OBSL1: variants seen among roughly 807,000 people sequenced by gnomAD.
OBSL1 encodes obscurin-like protein 1.
Under a neutral mutation model 172.0 loss-of-function variants are expected in OBSL1, and 160 were observed. That is an observed-to-expected ratio of 0.93 (90% CI 0.82 to 1.06). OBSL1 has a LOEUF of 1.06. Ranked by LOEUF, OBSL1 falls within the 50% of genes least tolerant of loss-of-function variation. OBSL1 has a pLI of 0.00. For missense variants in OBSL1, 2,681 were observed against 2,715.4 expected, an observed-to-expected ratio of 0.99 and a Z score of 0.28; for synonymous variants, 1,200 against 1,196.3, an observed-to-expected ratio of 1.00 and a Z score of -0.06.
In OBSL1 at chr2:219,568,620, G is replaced by A. The variant is rs940811787; in HGVS notation, c.1013-296C>T. Among the ~76,000 whole-genome samples, 1 of 152,166 alleles carries A rather than the reference G, an allele frequency of 6.6e-6. No homozygotes were observed. Among genetic ancestry groups the A allele is most frequent in the South Asian group, 2.1e-4 (1 of 4,828 alleles). On this transcript the variant is annotated intron_variant, in intron 1 of 20. Coordinates refer to ENST00000404537, the MANE Select transcript of OBSL1 (RefSeq NM_015311.3). This position sits in a 1 kb window ranked among gnomAD's most constrained non-coding sequence, Gnocchi z 4.1. ...AGAGAAGGGGTTGGACCAGATTGAT[G>A]ATTTCCAAACTGTTCCCTGGGGTCC...
chr2:219,559,199 C>T (rs755972037), intron 9 of OBSL1, 26 bp downstream of exon 9: 25 of 1,571,054 alleles, frequency 1.6e-5, no homozygotes, highest in Non-Finnish European at 2.0e-5. Context: ...TCTCTACCTC[C>T]TCTCTGTGCT....
chr2:219,547,984 G>A, downstream of OBSL1: 1 of 1,586,046 alleles, frequency 6.3e-7, no homozygotes, highest in Non-Finnish European at 8.5e-7. Flanking sequence ...CACTCTGCTG[G>A]CGAAGCTGGG....
Position 219,565,392 on chromosome 2 carries a change from C to A in OBSL1, c.2257G>T (p.Gly753Trp). ...VDFPATWYKD[G>W]QKVEESELLV... ...AACTCGCTCTCCTCCACCTTCTGCC[C>A]ATCCTTGTACCAGGTTGCCGGGAAG... is the stretch of plus-strand genomic sequence containing the variant. The change falls in exon 6 of 21, where the codon GGG (glycine) becomes TGG (tryptophan). Residue 753 changes from glycine to tryptophan, a missense_variant. Transcript: ENST00000404537. 1 of 1,614,018 alleles carries A rather than the reference C, an allele frequency of 6.2e-7. No individual in the cohort carries two copies. Among genetic ancestry groups the A allele is most frequent in the African/African-American group, 1.3e-5 (1 of 75,048 alleles).
rs867588237 is a variant in OBSL1, at chr2:219,558,426, C to T, written c.3260G>A (p.Arg1087His). The change falls in exon 10 of 21, where the codon CGC (arginine) becomes CAC (histidine). Residue 1087 changes from arginine (R) to histidine (H), a missense_variant. Around this residue, in one of 5 missense-constraint regions of OBSL1, gnomAD observed 1,765 missense variants for 1,748.3 expected, o/e 1.01. Transcript: ENST00000404537. ...PPERIVHPAA[R>H]SLDLHFGAPG... ...AGCCCCAAAATGCAGATCCAGGGAG[C>T]GGGCTGCCGGGTGCACAATCCTCTC... is the stretch of plus-strand genomic sequence containing the variant. 8 of 1,591,908 alleles carry T rather than the reference C, an allele frequency of 5.0e-6. No homozygotes were observed. Among genetic ancestry groups the T allele is most frequent in the African/African-American group, 2.7e-5 (2 of 74,470 alleles).
rs1187463247 is a variant in OBSL1 at position 219,554,687 on chromosome 2, C to T, written c.4663G>A (p.Gly1555Ser). The T allele has an allele frequency of 1.3e-5, 21 of 1,589,902 alleles. No homozygotes were observed. Among genetic ancestry groups the T allele is most frequent in the Non-Finnish European group, 1.6e-5 (19 of 1,168,240 alleles). Reference protein sequence around the residue: ...PLEDVTISEGGSATFQLELSQ... With the variant: ...PLEDVTISEGSSATFQLELSQ... Reference sequence around the variant, plus strand: ...AGCTCCAGCTGGAAGGTGGCACTGCCCCCCTCACTGATGGTCACGTCCTCC... The same window carrying T: ...AGCTCCAGCTGGAAGGTGGCACTGCTCCCCTCACTGATGGTCACGTCCTCC... Residue 1555 changes from glycine (G) to serine (S), a missense_variant, in exon 15 of 21, where the codon GGC (glycine) becomes AGC (serine). Transcript: ENST00000404537.
intron 8 of OBSL1, 92 bp downstream of exon 8, chr2:219,562,309 TC>T: frequency 6.8e-7 from 1 of 1,479,648 alleles, no homozygotes; most frequent in Non-Finnish European, 9.3e-7. Context: ...CACACCTCCC[TC>T]CTCCCCGGGG....
chr2:219,559,490 T>G lies in OBSL1; in HGVS notation c.2961A>C (p.Pro987=). The G allele has an allele frequency of 6.2e-7, 1 of 1,608,224 alleles. No homozygotes were observed. The highest frequency in any genetic ancestry group is 8.5e-7 in the Non-Finnish European group (1 of 1,175,108). ...CATCGCGAGGGTATATGATCCGCACTGGGGGTTCTGCAGGGTGGGGACAAC... is the reference window on the plus strand; with the variant it reads ...CATCGCGAGGGTATATGATCCGCACGGGGGGTTCTGCAGGGTGGGGACAAC... ...ASFTVTVTEP[P]VRIIYPRDEV... is the part of the protein sequence containing the mutation. Residue 987 remains proline (P), a synonymous_variant, in exon 9 of 21, where the codon CCA becomes CCC. Coordinates refer to ENST00000404537, the MANE Select transcript of OBSL1 (RefSeq NM_015311.3).
chr2:219,547,837 C>A, downstream of OBSL1: 1 of 1,587,626 alleles, frequency 6.3e-7, no homozygotes, highest in East Asian at 2.2e-5. Context: ...TCACTCTGCG[C>A]TGGCCCCGCC....
chr2:219,552,367 A>C (rs1273865110), intron 18 of OBSL1, 151 bp from the exon 19 acceptor site: 1 of 871,042 alleles, frequency 1.1e-6, no homozygotes, highest in Non-Finnish European at 1.7e-6. Context: ...GGAAGCCTAG[A>C]GGTCCGGGAC....
In OBSL1 at chr2:219,567,168, T is replaced by TGGAAGAG. The variant is rs747903073; in HGVS notation, c.1838-43_1838-42insCTCTTCC. 2.5e-6 allele frequency: 4 copies of TGGAAGAG among 1,597,704 alleles called. No individual in the cohort carries two copies. The South Asian group carries it at 4.5e-5, about 18-fold the overall frequency. On this transcript the variant is annotated intron_variant, in intron 4 of 20. Transcript: ENST00000404537. ...GTGCAGCTGTCAGAACTAGAAGGTG[T>TGGAAGAG]GGCAGAGGGCAGAGGCTGGCGGATG...
At chr2:219,563,863 C>T (rs369986372) in intron 6 of OBSL1, among the ~76,000 whole-genome samples, 4 of 152,172 alleles carry the variant, frequency 2.6e-5, no homozygotes, top group South Asian at 2.1e-4. Context: ...TCAGAGGTGG[C>T]GGGGTGAGTA....
At chr2:219,549,611 T>C (rs1206789439), downstream of OBSL1, 4 of 1,530,670 alleles carry the variant, frequency 2.6e-6, no homozygotes, top group African/African-American at 5.5e-5. Context: ...GGACTCTGGG[T>C]CTATGGCAGT....
At chr2:219,551,244 A>C (rs1695589713) in intron 20 of OBSL1, 9 of 1,396,726 alleles carry the variant, frequency 6.4e-6, no homozygotes, top group Non-Finnish European at 8.3e-6. Flanking sequence ...AGGGCTGTTC[A>C]AGAGAGACAA....
At position 219,557,499 on chromosome 2, in the gene OBSL1, T is replaced by C. The variant is rs757921677; in HGVS notation, c.3910A>G (p.Lys1304Glu). The C allele has an allele frequency of 1.9e-6, 3 of 1,553,466 alleles. No individual in the cohort carries two copies. In the East Asian group the frequency reaches 7.3e-5, roughly 38 times the overall value. ...TGGCTTGCCAGTCGCTCCCCGTCCTTGTACCAGCGTACAGGGCCCCCTGGC... is the reference window on the plus strand; with the variant it reads ...TGGCTTGCCAGTCGCTCCCCGTCCTCGTACCAGCGTACAGGGCCCCCTGGC... Reference protein sequence around the residue: ...SGPGGPVRWYKDGERLASQGR... With the variant: ...SGPGGPVRWYEDGERLASQGR... The change falls in exon 12 of 21, where the codon AAG becomes GAG. Residue 1304 changes from lysine to glutamate, a missense_variant. Lys to Glu is a moderately conservative substitution (Grantham distance 56). Coordinates refer to ENST00000404537, the MANE Select transcript of OBSL1 (RefSeq NM_015311.3).
rs1695615650 is a variant in OBSL1, at chr2:219,551,609, T to C, written c.5603A>G (p.His1868Arg). 1 of 1,611,506 alleles carries C rather than the reference T, an allele frequency of 6.2e-7. No homozygotes were observed. The highest frequency in any genetic ancestry group is 8.5e-7 in the Non-Finnish European group (1 of 1,178,970). The change falls in exon 20 of 21, where the codon CAT becomes CGT. Residue 1868 changes from histidine (H) to arginine (R), a missense_variant. His to Arg is a conservative substitution (Grantham distance 29). Transcript: ENST00000404537. The stretch of plus-strand genomic sequence containing the variant: ...GCCTTGGTCCTCAGGTCGAACGTCA[T>C]GGATGACCAGGCTGTGGGTGGGGCC... ...SHGPTHSLVI[H>R]DVRPEDQGTY... is the part of the protein sequence containing the mutation.
rs1397394340 is a variant in OBSL1, at chr2:219,559,184, CT to C, written c.3226+40del. 2.6e-6 allele frequency: 4 copies of C among 1,555,002 alleles called. No individual in the cohort carries two copies. The African/African-American group carries it at 5.4e-5, about 21-fold the overall frequency. ...AGGTGGGTGTCTGTCCCTTAGCCCCCTACCTCTCTACCTCCTCTCTGTGCTG... is the reference window on the plus strand; with the variant it reads ...AGGTGGGTGTCTGTCCCTTAGCCCCCACCTCTCTACCTCCTCTCTGTGCTG... On this transcript the variant is annotated intron_variant, in intron 9 of 20. Coordinates refer to ENST00000404537, the MANE Select transcript of OBSL1 (RefSeq NM_015311.3).
At chr2:219,561,016 T>C (rs1017956900) in intron 8 of OBSL1, among the ~76,000 whole-genome samples, 1 of 152,072 alleles carries the variant, frequency 6.6e-6, no homozygotes, top group South Asian at 2.1e-4. Context: ...GGCTGGAGTT[T>C]GTGTGGCTGT....
At chr2:219,563,176 T>A (rs1696622732) in intron 7 of OBSL1, 179 bp downstream of exon 7, 1 of 633,822 alleles carries the variant, frequency 1.6e-6, no homozygotes, top group Non-Finnish European at 2.7e-6. Context: ...GTGCTTATGA[T>A]AACACGTTTC....
rs1443440315 is a variant in OBSL1 at position 219,558,243 on chromosome 2, G to A, written c.3443C>T (p.Ala1148Val). Residue 1148 changes from alanine to valine, a missense_variant, in exon 10 of 21, where the codon GCC becomes GTC. Ala to Val is a moderately conservative substitution (Grantham distance 64). Coordinates refer to ENST00000404537, the MANE Select transcript of OBSL1 (RefSeq NM_015311.3). ...CCGGGTCTCACACACATACTCCCCG[G>A]CGTCCTCAGGCTGGGCGTGGGGCAG... The part of the protein sequence containing the change: ...LTLPHAQPED[A>V]GEYVCETRHE... 2.5e-6 allele frequency: 4 copies of A among 1,610,592 alleles called. No homozygotes were observed. The highest frequency in any genetic ancestry group is 1.7e-5 in the Admixed American group (1 of 59,626).
Sources: gnomAD v4.1 joint callset for allele counts (sites outside exome capture counted in the v4.1 genomes callset) on GRCh38, gnomAD v4.1.1 for gene constraint, gnomAD v4.1.1 regional missense constraint, Gnocchi (gnomAD v3.1) non-coding constraint, MANE v1.5 for transcripts, NCBI Gene and HGNC (gene_info 2026-07-23, HGNC 2026-07-21) for gene names.